Variants in CLEC10A observed in about 807,000 individuals in gnomAD.
The protein encoded by CLEC10A is C-type lectin domain containing 10A.
In CLEC10A, 38 loss-of-function variants were observed where a neutral mutation model predicts 42.0. The observed-to-expected ratio is 0.90, with a 90% CI of 0.70 to 1.18. The LOEUF (loss-of-function observed/expected upper bound fraction) is 1.18. Among genes scored for constraint, CLEC10A ranks in the 50% most tolerant of loss-of-function variants. CLEC10A has a pLI of 0.00. For missense variants in CLEC10A, 298 were observed against 345.9 expected (o/e 0.86, Z 1.10); for synonymous variants, 126 against 139.9 (o/e 0.90, Z 0.70).
chr17:7,075,786 T>A lies in CLEC10A; in HGVS notation c.539A>T (p.Lys180Met). 1 of 1,614,202 alleles carries A rather than the reference T, an allele frequency of 6.2e-7. No individual in the cohort carries two copies. Among genetic ancestry groups the A allele is most frequent in the Non-Finnish European group, 8.5e-7 (1 of 1,180,036 alleles). The change falls in exon 7 of 9, where the codon AAG becomes ATG. Residue 180 changes from lysine to methionine, a missense_variant. Transcript: ENST00000416562. ...GTGGGCGTTCTTCAGCTGGCAGTAC[T>A]TCTCAGCCTCGGCCCAGGACATCCC... ...HSGMSWAEAEKYCQLKNAHLV... is the reference protein window; with the variant it reads ...HSGMSWAEAEMYCQLKNAHLV...
At chr17:7,079,373 A>G (rs539343211) in intron 1 of CLEC10A, among the ~76,000 whole-genome samples, 1 of 152,172 alleles carries the variant, frequency 6.6e-6, no homozygotes, top group Non-Finnish European at 1.5e-5. Flanking sequence ...ACTTTAGGTC[A>G]GGAGTTTGAG....
intron 1 of CLEC10A, among the ~76,000 whole-genome samples, chr17:7,079,153 C>T (rs146744956): frequency 1.4e-4 from 22 of 152,164 alleles, no homozygotes; most frequent in Admixed American, 3.9e-4. Flanking sequence ...GGTCAGTATG[C>T]ACGTTGGAGC....
At chr17:7,077,830 C>T (rs187556088) in intron 3 of CLEC10A, among the ~76,000 whole-genome samples, 167 bp downstream of exon 3, 16 of 136,702 alleles carry the variant, frequency 1.2e-4, no homozygotes, top group African/African-American at 3.8e-4. Context: ...GTAGCACTGC[C>T]CTCACCATGC....
intron 2 of CLEC10A, 106 bp from the exon 3 acceptor site, chr17:7,078,219 T>C (rs960633782): frequency 1.3e-6 from 1 of 773,600 alleles, no homozygotes; most frequent in Non-Finnish European, 2.1e-6. Flanking sequence ...CACAGGGGAC[T>C]CCAGGGGAGG....
At chr17:7,075,515 C>T in intron 7 of CLEC10A, 49 bp from the exon 8 acceptor site, 1 of 1,481,274 alleles carries the variant, frequency 6.8e-7, no homozygotes. Context: ...CCAGCCAACT[C>T]CTTAAACTAG....
chr17:7,077,461 C>CGT (rs1238736597), intron 3 of CLEC10A, among the ~76,000 whole-genome samples: 1 of 80,302 alleles, frequency 1.2e-5, no homozygotes, highest in African/African-American at 4.6e-5. Flanking sequence ...TCAGTGCCCC[C>CGT]CACCATTCCC....
rs1911789921 is a variant in CLEC10A, at chr17:7,076,888, T to C, written c.280+4A>G. 6.2e-7 allele frequency: 1 copy of C among 1,613,672 alleles called. No homozygotes were observed. Among genetic ancestry groups the C allele is most frequent in the Non-Finnish European group, 8.5e-7 (1 of 1,179,904 alleles). The stretch of plus-strand genomic sequence containing the variant: ...GCCCAGAGCCCCATCCAAACCAGAC[T>C]CACCCTGGGAAGTCAGTGCCTGGAT... On this transcript the variant is annotated splice_donor_region_variant and intron_variant, in intron 4 of 8. Coordinates refer to ENST00000416562, the MANE Select transcript of CLEC10A (RefSeq NM_001330070.2).
Position 7,075,722 on chromosome 17 carries a change from A to G in CLEC10A, c.594+9T>C, listed in dbSNP as rs199687112. On this transcript the variant is annotated intron_variant, in intron 7 of 8. Transcript: ENST00000416562. ...CATGTCTTAGGAACTGAGTACCAGA[A>G]GCCCTCACCTGCTCCTCCCTGGAGT... 1.4e-4 allele frequency: 225 copies of G among 1,614,212 alleles called. 3 individuals are homozygous for G. The South Asian group carries it at 2.4e-3, about 17-fold the overall frequency.
intron 6 of CLEC10A, 21 bp from the exon 7 acceptor site, chr17:7,075,906 T>C (rs763899730): frequency 2.7e-5 from 44 of 1,605,864 alleles, no homozygotes; most frequent in Non-Finnish European, 3.7e-5. Context: ...AGAAATAGGA[T>C]AGGGTGGAGA....
Position 7,076,665 on chromosome 17 carries a change from A to C in CLEC10A, c.352+68T>G, listed in dbSNP as rs1174784237. The stretch of plus-strand genomic sequence containing the variant: ...AAGGGGAGGGCAGTTCAGCACCAGG[A>C]GTCTGTTCCCACCTCCACTGTGTCT... On this transcript the variant is annotated intron_variant, in intron 5 of 8. Transcript: ENST00000416562. 3.5e-5 allele frequency: 53 copies of C among 1,534,092 alleles called. No individual in the cohort carries two copies. In the South Asian group the frequency reaches 5.8e-4, roughly 17 times the overall value.
intron 8 of CLEC10A, 37 bp from the exon 9 acceptor site, chr17:7,075,259 G>A: frequency 1.3e-6 from 2 of 1,512,536 alleles, no homozygotes; most frequent in Non-Finnish European, 1.8e-6. Flanking sequence ...AGGAAGGGTA[G>A]ATGGAGTAGA....
intron 2 of CLEC10A, chr17:7,078,379 G>C (rs1454322040): frequency 2.0e-6 from 1 of 508,514 alleles, no homozygotes; most frequent in Non-Finnish European, 3.5e-6. Context: ...GGGGGCAGGG[G>C]CAGGAGGACA....
rs570753508 is a variant in CLEC10A at position 7,075,277 on chromosome 17, T to C, written c.702-55A>G. 255 of 1,507,446 alleles carry C rather than the reference T, an allele frequency of 1.7e-4. 3 individuals carry two copies. In the South Asian group the frequency reaches 3.3e-3, roughly 20 times the overall value. The allele number at this position is 1,507,446 out of a possible 1,614,324, so 93.4% of individuals were successfully genotyped here. On this transcript the variant is annotated intron_variant, in intron 8 of 8. Transcript: ENST00000416562. ...AAGGGTAGATGGAGTAGAATTCAGT[T>C]CAGGGGAGGAGAGGCTGCCAGTCAG...
intron 5 of CLEC10A, 87 bp downstream of exon 5, chr17:7,076,646 A>G: frequency 1.4e-6 from 2 of 1,410,194 alleles, no homozygotes; most frequent in Non-Finnish European, 2.0e-6. Context: ...GCTGAAGGGG[A>G]GGGCAGTTCA....
Position 7,075,430 on chromosome 17 carries a change from A to G in CLEC10A, c.631T>C (p.Trp211Arg). 1 of 1,527,222 alleles carries G rather than the reference A, an allele frequency of 6.5e-7. No individual in the cohort carries two copies. The highest frequency in any genetic ancestry group is 8.8e-7 in the Non-Finnish European group (1 of 1,140,906). The allele number at this position is 1,527,222 out of a possible 1,614,324, so 94.6% of individuals were successfully genotyped here. A position where few individuals can be genotyped will look rare whatever the true frequency, so the allele number is the denominator to read the frequency against. ...VQKYLGSAYTWMGLSDPEGAW... is the reference protein window; with the variant it reads ...VQKYLGSAYTRMGLSDPEGAW... ...CCTTCAGGGTCACTGAGGCCCATCC[A>G]GGTGTATGCGGAGCCTAGATATTTC... is the stretch of plus-strand genomic sequence containing the variant. The change falls in exon 8 of 9, where the codon TGG becomes CGG. Residue 211 changes from tryptophan (W) to arginine (R), a missense_variant. Physicochemically the swap from Trp to Arg is moderately radical, Grantham distance 101. Transcript: ENST00000416562.
At chr17:7,076,617 G>A in intron 5 of CLEC10A, 116 bp downstream of exon 5, 1 of 1,195,142 alleles carries the variant, frequency 8.4e-7, no homozygotes, top group Non-Finnish European at 1.2e-6. Flanking sequence ...CGGCCTGCAT[G>A]CTGCCTTTCA....
chr17:7,077,775 C>CCCCTCCTCCATTCCCAT (rs1911930457), intron 3 of CLEC10A, among the ~76,000 whole-genome samples: 1 of 151,814 alleles, frequency 6.6e-6, no homozygotes, highest in Admixed American at 6.6e-5. Flanking sequence ...CCATCAGTGC[C>CCCCTCCTCCATTCCCAT]CCATCAGTGC....
At chr17:7,078,610 C>A in intron 2 of CLEC10A, 136 bp downstream of exon 2, 1 of 800,870 alleles carries the variant, frequency 1.2e-6, no homozygotes, top group South Asian at 1.5e-5. Flanking sequence ...TCACACTAGG[C>A]CCGTCAGAGG....
chr17:7,076,312 T>TTC (rs1911743136), intron 5 of CLEC10A, among the ~76,000 whole-genome samples: 1 of 144,884 alleles, frequency 6.9e-6, no homozygotes, highest in African/African-American at 2.5e-5. Flanking sequence ...TCTTTCTTTT[T>TTC]TTTTTTTTTT....
Sources: allele counts gnomAD v4.1 joint callset (sites outside exome capture counted in the v4.1 genomes callset), GRCh38; gene constraint gnomAD v4.1.1; transcripts MANE v1.5; gene names NCBI Gene and HGNC (gene_info 2026-07-23, HGNC 2026-07-21).